The following FGFR1 variants were observed in gnomAD, a reference collection of about 807,000 sequenced individuals.
The protein encoded by FGFR1 is FGFR1/PLAG1 fusion.
Under a neutral mutation model 93.7 loss-of-function variants are expected in FGFR1, and 18 were observed. That is an observed-to-expected ratio of 0.19 (90% confidence interval 0.13 to 0.28). The LOEUF (loss-of-function observed/expected upper bound fraction) is 0.28, where lower values mean the gene tolerates loss of function less well. Ranked by LOEUF, FGFR1 falls within the 10% of genes least tolerant of loss-of-function variation. The pLI is 1.00. For missense variants in FGFR1, 731 were observed against 1,080.4 expected, an observed-to-expected ratio of 0.68 and a Z score of 4.53; for synonymous variants, 448 against 429.3, an observed-to-expected ratio of 1.04 and a Z score of -0.54.
rs774584264 is a variant in FGFR1 at position 38,428,041 on chromosome 8, T to A, written c.501A>T (p.Ala167=). 2 of 1,614,278 alleles carry A rather than the reference T, an allele frequency of 1.2e-6. No homozygotes were observed. Among genetic ancestry groups the A allele is most frequent in the East Asian group, 4.5e-5 (2 of 44,890 alleles). Residue 167 remains alanine, a synonymous_variant, in exon 5 of 18, where the codon GCA becomes GCT. Coordinates refer to ENST00000447712, the MANE Select transcript of FGFR1 (RefSeq NM_023110.3). ...ACTTCACTGTCTTGGCAGCCGGCAC[T>A]GCATGCAATTTCTTTTCCATCTTTT... ...SPEKMEKKLH[A]VPAAKTVKFK...
At chr8:38,417,162 C>T (rs149204608) in intron 12 of FGFR1, 144 bp downstream of exon 12, 125 of 722,888 alleles carry the variant, frequency 1.7e-4, no homozygotes, top group African/African-American at 1.6e-3. Context: ...GCCCAGATCC[C>T]GAGATAACAC....
intron 1 of FGFR1, among the ~76,000 whole-genome samples, chr8:38,463,615 GA>G (rs1834898716): frequency 1.3e-5 from 2 of 151,288 alleles, no homozygotes; most frequent in African/African-American, 2.4e-5. Context: ...GTGAATGAAG[GA>G]AAAAAAAGGG....
intron 7 of FGFR1, among the ~76,000 whole-genome samples, chr8:38,422,568 T>C (rs1328699460): frequency 6.6e-6 from 1 of 152,178 alleles, no homozygotes; most frequent in African/African-American, 2.4e-5. Flanking sequence ...CATACTTGGC[T>C]AATTTATTTA....
At chr8:38,419,953 G>A (rs1447479436) in intron 8 of FGFR1, 5 of 579,128 alleles carry the variant, frequency 8.6e-6, no homozygotes, top group Admixed American at 3.0e-5. Flanking sequence ...CCATGGAAAA[G>A]GGATGGCCTA....
intron 11 of FGFR1, 116 bp downstream of exon 11, chr8:38,417,754 A>G (rs1817225427): frequency 6.9e-7 from 1 of 1,449,004 alleles, no homozygotes; most frequent in African/African-American, 1.4e-5. Context: ...CCAAGCAGGC[A>G]GCGGAGCAGG....
chr8:38,418,403 C>T (rs753292258), intron 9 of FGFR1, 30 bp from the exon 10 acceptor site: 3 of 1,608,670 alleles, frequency 1.9e-6, no homozygotes, highest in African/African-American at 1.3e-5. Flanking sequence ...CACCCTAGAG[C>T]AAGGAGGGGG....
intron 2 of FGFR1, chr8:38,440,373 C>G (rs776647815): frequency 6.3e-7 from 1 of 1,595,702 alleles, no homozygotes; most frequent in South Asian, 1.1e-5. Flanking sequence ...CAGCTGCCAT[C>G]CTACAAGGGT....
intron 7 of FGFR1, chr8:38,423,374 T>G: frequency 4.0e-6 from 2 of 500,636 alleles, no homozygotes; most frequent in Non-Finnish European, 7.1e-6. Flanking sequence ...CAGGCTGGAG[T>G]GCAGTGGCGT....
chr8:38,428,479 C>T (rs2150934953), intron 3 of FGFR1, 44 bp from the exon 4 acceptor site: 1 of 1,507,376 alleles, frequency 6.6e-7, no homozygotes, highest in Non-Finnish European at 9.1e-7. Context: ...CTAGGGACCC[C>T]TAGATTTCAC....
At chr8:38,433,504 T>C (rs1563532080) in intron 2 of FGFR1, among the ~76,000 whole-genome samples, 1 of 152,128 alleles carries the variant, frequency 6.6e-6, no homozygotes, top group Non-Finnish European at 1.5e-5. Context: ...GAGATGGGGT[T>C]TCACCATGTT....
At chr8:38,466,225 G>T in intron 1 of FGFR1, 1 of 232,320 alleles carries the variant, frequency 4.3e-6, no homozygotes, top group Non-Finnish European at 8.5e-6. Context: ...AGCCGCCCAC[G>T]CCCCCGGCCC....
At position 38,429,395 on chromosome 8, in the gene FGFR1, G is replaced by A. The variant is rs890861740; in HGVS notation, c.358+287C>T. The stretch of plus-strand genomic sequence containing the variant: ...CCTCCTGGAGATCTGGGCAAGCTGT[G>A]GTGGAAAAAAATCACAGGGTCTTAA... On this transcript the variant is annotated intron_variant, in intron 3 of 17. Coordinates refer to ENST00000447712, the MANE Select transcript of FGFR1 (RefSeq NM_023110.3). The surrounding 1 kb of genome is among the most constrained non-coding windows in gnomAD (Gnocchi z 4.4). The A allele has an allele frequency of 1.5e-6, 1 of 686,594 alleles. No individual in the cohort carries two copies. The highest frequency in any genetic ancestry group is 1.9e-5 in the Admixed American group (1 of 53,774). 42.5% of individuals were successfully genotyped at this position (686,594 alleles called of 1,614,324 possible). A position where few individuals can be genotyped will look rare whatever the true frequency, so the allele number is the denominator to read the frequency against.
At chr8:38,438,502 C>T (rs1337922996) in intron 2 of FGFR1, among the ~76,000 whole-genome samples, 2 of 150,188 alleles carry the variant, frequency 1.3e-5, no homozygotes, top group African/African-American at 4.9e-5. Flanking sequence ...GAAATCACAC[C>T]ACTGCACTCC....
chr8:38,418,503 A>G, intron 9 of FGFR1, 130 bp from the exon 10 acceptor site: 1 of 1,174,130 alleles, frequency 8.5e-7, no homozygotes, highest in Non-Finnish European at 1.2e-6. Context: ...TCCTCAACAC[A>G]GAGTGGTCCA....
chr8:38,464,874 A>C (rs1835168500), intron 1 of FGFR1, among the ~76,000 whole-genome samples: 1 of 152,244 alleles, frequency 6.6e-6, no homozygotes, highest in Non-Finnish European at 1.5e-5. Context: ...AACGAAGGCA[A>C]GAAAAAAGCC....
chr8:38,445,562 G>A (rs1586617826), intron 2 of FGFR1, among the ~76,000 whole-genome samples: 2 of 152,042 alleles, frequency 1.3e-5, no homozygotes, highest in African/African-American at 4.8e-5. Context: ...TTTGGGGAAC[G>A]GAGTCTCACT....
At chr8:38,423,028 T>C (rs1322453708) in intron 7 of FGFR1, 5 of 779,598 alleles carry the variant, frequency 6.4e-6, no homozygotes, top group Non-Finnish European at 1.2e-5. Flanking sequence ...CCATTACCTT[T>C]TGCCACAGGT....
intron 2 of FGFR1, among the ~76,000 whole-genome samples, chr8:38,439,590 G>A (rs1826674047): frequency 6.6e-6 from 1 of 152,136 alleles, no homozygotes; most frequent in African/African-American, 2.4e-5. Flanking sequence ...AGCCCCAGCT[G>A]GTCTGGAGCC....
rs539158528 is a variant in FGFR1 at position 38,417,807 on chromosome 8, G to A, written c.1552+63C>T. 199 of 1,613,260 alleles carry A rather than the reference G, an allele frequency of 1.2e-4. No individual in the cohort carries two copies. The African/African-American group carries it at 2.2e-3, about 18-fold the overall frequency. ...CCAGAGAAGCTGTTCTGCTGGGCCC[G>A]AGGCCTGCTGTTTGCTTGGAATGGG... On this transcript the variant is annotated intron_variant, in intron 11 of 17. Coordinates refer to ENST00000447712, the MANE Select transcript of FGFR1 (RefSeq NM_023110.3).
Sources: allele counts gnomAD v4.1 joint callset (sites outside exome capture counted in the v4.1 genomes callset), GRCh38; gene constraint gnomAD v4.1.1; non-coding constraint Gnocchi (gnomAD v3.1); transcripts MANE v1.5; gene names NCBI Gene and HGNC (gene_info 2026-07-23, HGNC 2026-07-21).